Variants in ACIN1 observed in about 807,000 individuals in gnomAD.
The protein encoded by ACIN1 is apoptotic chromatin condensation inducer in the nucleus.
A neutral mutation model predicts 146.6 loss-of-function variants in ACIN1; 16 were observed. The ratio of observed to expected loss-of-function variants is 0.11; its 90% CI spans 0.07 to 0.17. The LOEUF (loss-of-function observed/expected upper bound fraction) is 0.17, where lower values mean the gene tolerates loss of function less well. ACIN1 is among the 10% of genes least tolerant of loss of function. ACIN1 has a pLI of 1.00. For synonymous variants in ACIN1, 569 were observed against 582.7 expected (o/e 0.98, Z 0.34); for missense variants, 1,357 against 1,609.3 (o/e 0.84, Z 2.68).
Position 23,069,542 on chromosome 14 carries a change from A to G in ACIN1, c.2199T>C (p.Pro733=). 2 of 1,604,440 alleles carry G rather than the reference A, an allele frequency of 1.2e-6. No individual in the cohort carries two copies. Among genetic ancestry groups the G allele is most frequent in the Non-Finnish European group, 1.7e-6 (2 of 1,174,022 alleles). ...PENDVPEPPM[P]IADQVSNDDR... ...CATCATTGCTGACTTGGTCTGCAAT[A>G]GGCATGGGAGGTTCTGGAACATCAT... Residue 733 remains proline (P), a synonymous_variant, in exon 9 of 19, where the codon CCT becomes CCC. Transcript: ENST00000605057.
intron 18 of ACIN1, 55 bp from the exon 19 acceptor site, chr14:23,059,529 C>G: frequency 7.0e-7 from 1 of 1,434,132 alleles, no homozygotes; most frequent in East Asian, 2.3e-5. Context: ...GTCACAGCCT[C>G]CATTTGTGCC....
rs373510370 is a variant in ACIN1, at chr14:23,078,886, T to C, written c.1941A>G (p.Gln647=). 4.3e-6 allele frequency: 7 copies of C among 1,613,850 alleles called. No individual in the cohort carries two copies. Among genetic ancestry groups the C allele is most frequent in the South Asian group, 1.1e-5 (1 of 91,064 alleles). The change falls in exon 7 of 19, where the codon CAA becomes CAG. Residue 647 remains glutamine (Q), a synonymous_variant. Coordinates refer to ENST00000605057, the MANE Select transcript of ACIN1 (RefSeq NM_001386863.1). ...ATTCAGGCTGACTCAGACGCCTTGC[T>C]TGGACAGAGGATGAGGAGGTGGAAG... ...ERTSTSSSSV[Q]ARRLSQPESA...
chr14:23,080,877 T>C, intron 5 of ACIN1, 68 bp from the exon 6 acceptor site: 3 of 1,522,674 alleles, frequency 2.0e-6, no homozygotes, highest in Non-Finnish European at 2.6e-6. Context: ...AGAAAGTATC[T>C]AATGAAGACA....
chr14:23,081,587 G>A (rs1216017593), intron 5 of ACIN1, among the ~76,000 whole-genome samples, 161 bp downstream of exon 5: 4 of 152,112 alleles, frequency 2.6e-5, no homozygotes, highest in Non-Finnish European at 5.9e-5. Flanking sequence ...CTGTGATTGT[G>A]CCACTGCACT....
intron 2 of ACIN1, among the ~76,000 whole-genome samples, chr14:23,092,855 A>G (rs2140248667): frequency 6.6e-6 from 1 of 152,298 alleles, no homozygotes; most frequent in South Asian, 2.1e-4. Flanking sequence ...GAAGCTCCCC[A>G]AAGCAGCTCC....
intron 8 of ACIN1, among the ~76,000 whole-genome samples, chr14:23,070,275 CCT>C (rs2047594609): frequency 1.3e-5 from 2 of 152,154 alleles, no homozygotes; most frequent in South Asian, 2.1e-4. Flanking sequence ...CTTCAAGGAC[CCT>C]CTCTCATTCA....
Position 23,068,941 on chromosome 14 carries a change from G to A in ACIN1, c.2265+535C>T, listed in dbSNP as rs754459448. ...AACATATGCCAAAAAAGGAGGTAGAGGGGTCACAGGTAACTGAGAATGGGC... is the reference window on the plus strand; with the variant it reads ...AACATATGCCAAAAAAGGAGGTAGAAGGGTCACAGGTAACTGAGAATGGGC... On this transcript the variant is annotated intron_variant, in intron 9 of 18. Transcript: ENST00000605057. The surrounding 1 kb of genome is among the most constrained non-coding windows in gnomAD (Gnocchi z 4.3). 32 of 985,570 alleles carry A rather than the reference G, an allele frequency of 3.2e-5. No individual in the cohort carries two copies. The highest frequency in any genetic ancestry group is 3.6e-5 in the Non-Finnish European group (30 of 830,036). 61.1% of individuals were successfully genotyped at this position (985,570 alleles called of 1,614,324 possible). A position where few individuals can be genotyped will look rare whatever the true frequency, so the allele number is the denominator to read the frequency against.
At chr14:23,069,305 G>T in intron 9 of ACIN1, 171 bp downstream of exon 9, 1 of 1,318,362 alleles carries the variant, frequency 7.6e-7, no homozygotes, top group Non-Finnish European at 9.7e-7. Context: ...GTCACAAGGG[G>T]TCTCCCTTGC....
rs1328621568 is a variant in ACIN1 at position 23,067,279 on chromosome 14, G to A, written c.2266-1271C>T. The A allele has an allele frequency of 1.0e-6, 1 of 983,494 alleles. No homozygotes were observed. Among genetic ancestry groups the A allele is most frequent in the Non-Finnish European group, 1.2e-6 (1 of 828,194 alleles). The allele number at this position is 983,494 out of a possible 1,614,324, so 60.9% of individuals were successfully genotyped here. On this transcript the variant is annotated intron_variant, in intron 9 of 18. Transcript: ENST00000605057. This position sits in a 1 kb window ranked among gnomAD's most constrained non-coding sequence, Gnocchi z 4.6. Reference sequence around the variant, plus strand: ...AGAAAATAAAGAAGAAAATAAACTAGGAATATGACAAATGTTCCAGGTACC... The same window carrying A: ...AGAAAATAAAGAAGAAAATAAACTAAGAATATGACAAATGTTCCAGGTACC...
Position 23,061,529 on chromosome 14 carries a change from G to T in ACIN1, c.3193C>A (p.Pro1065Thr), listed in dbSNP as rs200716121. ...IPRPLHPPPP[P>T]PVQPPQHPRA... is the part of the protein sequence containing the mutation. ...GGGTGCTGTGGTGGCTGGACCGGGGGTGGGGGTGGGGGGTGCAGGGGCCGT... is the reference window on the plus strand; with the variant it reads ...GGGTGCTGTGGTGGCTGGACCGGGGTTGGGGGTGGGGGGTGCAGGGGCCGT... Residue 1065 changes from proline (P) to threonine (T), a missense_variant, in exon 17 of 19, where the codon CCC becomes ACC. By Grantham distance (38) the Pro-to-Thr change is conservative (BLOSUM62 -1). Around this residue, in one of 4 missense-constraint regions of ACIN1, gnomAD observed 509 missense variants for 719.6 expected, o/e 0.71. Transcript: ENST00000605057. The T allele has an allele frequency of 3.1e-6, 5 of 1,603,146 alleles. No individual in the cohort carries two copies. The highest frequency in any genetic ancestry group is 3.4e-5 in the Admixed American group (2 of 59,614).
At chr14:23,060,576 G>C (rs1015919072) in intron 18 of ACIN1, among the ~76,000 whole-genome samples, 5 of 151,680 alleles carry the variant, frequency 3.3e-5, no homozygotes, top group Non-Finnish European at 7.4e-5. Context: ...GCAATGGCAC[G>C]GTCTCTGCTC....
At chr14:23,063,869 G>C (rs1337697193) in intron 12 of ACIN1, among the ~76,000 whole-genome samples, 1 of 152,236 alleles carries the variant, frequency 6.6e-6, no homozygotes, top group African/African-American at 2.4e-5. Flanking sequence ...ATGTTGTAGT[G>C]AACAAACAGC....
At chr14:23,082,748 T>C (rs1272752952) in intron 4 of ACIN1, among the ~76,000 whole-genome samples, 2 of 149,802 alleles carry the variant, frequency 1.3e-5, no homozygotes, top group African/African-American at 4.9e-5. Context: ...TTTTTCTTTT[T>C]TTTTTTTTGA....
rs11423392 is a variant in ACIN1, at chr14:23,075,323, CTTTT to C, written c.2123+2824_2123+2827del. Among the ~76,000 whole-genome samples, 382 of 133,344 alleles carry C rather than the reference CTTTT, an allele frequency of 2.9e-3. 2 individuals carry two copies. Among genetic ancestry groups the C allele is most frequent in the African/African-American group, 0.01 (358 of 34,942 alleles). 87.5% of individuals were successfully genotyped at this position (133,344 alleles called of 152,430 possible). A position where few individuals can be genotyped will look rare whatever the true frequency, so the allele number is the denominator to read the frequency against. On this transcript the variant is annotated intron_variant, in intron 8 of 18. Coordinates refer to ENST00000605057, the MANE Select transcript of ACIN1 (RefSeq NM_001386863.1). ...CAAATCCCCTCTTTTCTTTCTTCCC[CTTTT>C]TTTTTTTTTTTTTTTAAGTAAAAAG...
At chr14:23,084,567 G>A (rs950727387) in intron 4 of ACIN1, among the ~76,000 whole-genome samples, 1 of 150,412 alleles carries the variant, frequency 6.6e-6, no homozygotes, top group Non-Finnish European at 1.5e-5. Flanking sequence ...CCGAGATGGC[G>A]CTATTGCACT....
chr14:23,060,839 G>T (rs1431820402), intron 18 of ACIN1, among the ~76,000 whole-genome samples: 1 of 152,190 alleles, frequency 6.6e-6, no homozygotes, highest in Non-Finnish European at 1.5e-5. Flanking sequence ...AGCCTGGTCG[G>T]CACAGCCAGC....
At chr14:23,094,575 G>A (rs1476853071) in intron 1 of ACIN1, 4 of 979,666 alleles carry the variant, frequency 4.1e-6, no homozygotes, top group Non-Finnish European at 4.8e-6. Flanking sequence ...CCACCCCTTC[G>A]CGCAACTATA....
At chr14:23,063,238 T>C in intron 13 of ACIN1, 164 bp from the exon 14 acceptor site, 1 of 1,102,114 alleles carries the variant, frequency 9.1e-7, no homozygotes, top group Admixed American at 2.6e-5. Flanking sequence ...TAGGCTAACC[T>C]CCTCATCATG....
At chr14:23,090,159 A>G (rs536457688) in intron 3 of ACIN1, 58 bp from the exon 4 acceptor site, 5 of 1,585,666 alleles carry the variant, frequency 3.2e-6, no homozygotes, top group Non-Finnish European at 4.3e-6. Context: ...GCATGTAGGA[A>G]TATGTAGAGG....
Sources: allele counts gnomAD v4.1 joint callset (sites outside exome capture counted in the v4.1 genomes callset), GRCh38; gene constraint gnomAD v4.1.1; regional missense constraint gnomAD v4.1.1; non-coding constraint Gnocchi (gnomAD v3.1); transcripts MANE v1.5; gene names NCBI Gene and HGNC (gene_info 2026-07-23, HGNC 2026-07-21).